GUCY1A2: variants seen among roughly 807,000 people sequenced by gnomAD.
The protein encoded by GUCY1A2 is guanylate cyclase soluble subunit alpha-2.
GUCY1A2 carries 27 observed loss-of-function variants against 63.5 expected under a neutral mutation model. That is an observed-to-expected ratio of 0.43 (90% CI 0.31 to 0.59). The LOEUF (loss-of-function observed/expected upper bound fraction) is 0.59. GUCY1A2 is among the 20% of genes least tolerant of loss of function. The pLI is 0.11. For missense variants in GUCY1A2, 768 were observed against 913.3 expected, an observed-to-expected ratio of 0.84 and a Z score of 2.05; for synonymous variants, 364 against 343.5, an observed-to-expected ratio of 1.06 and a Z score of -0.66.
At chr11:106,812,584 T>C (rs1858776919) in intron 4 of GUCY1A2, among the ~76,000 whole-genome samples, 1 of 152,008 alleles carries the variant, frequency 6.6e-6, no homozygotes. Flanking sequence ...CATCTCCATC[T>C]TAATTTTAAA....
intron 6 of GUCY1A2, among the ~76,000 whole-genome samples, chr11:106,764,389 T>G (rs1027712500): frequency 3.3e-5 from 5 of 152,104 alleles, no homozygotes; most frequent in African/African-American, 1.2e-4. Context: ...GCATGGACTT[T>G]GAAGTCAAAC....
At chr11:106,848,151 C>T (rs10502079) in intron 4 of GUCY1A2, among the ~76,000 whole-genome samples, 30,951 of 151,490 alleles carry the variant, frequency 0.2, 3,165 homozygotes, top group Non-Finnish European at 0.22. Flanking sequence ...GGTGAAAATG[C>T]TGGAACGAGT....
At chr11:106,937,656 A>C (rs1860697684) in intron 4 of GUCY1A2, among the ~76,000 whole-genome samples, 1 of 152,212 alleles carries the variant, frequency 6.6e-6, no homozygotes, top group Non-Finnish European at 1.5e-5. Flanking sequence ...TGTGAACAAA[A>C]ATACACATTT....
intron 4 of GUCY1A2, among the ~76,000 whole-genome samples, chr11:106,870,993 T>C (rs758417246): frequency 2.0e-5 from 3 of 152,184 alleles, no homozygotes. Flanking sequence ...TGGCTTATTA[T>C]GATAAGCTTC....
chr11:106,764,526 C>T (rs1306987018), intron 6 of GUCY1A2, among the ~76,000 whole-genome samples: 2 of 151,944 alleles, frequency 1.3e-5, no homozygotes, highest in East Asian at 3.9e-4. Flanking sequence ...ATCCATGGTC[C>T]ATGATTGTTG....
chr11:106,962,177 C>T (rs1861066108), intron 3 of GUCY1A2, among the ~76,000 whole-genome samples: 1 of 152,142 alleles, frequency 6.6e-6, no homozygotes, highest in Non-Finnish European at 1.5e-5. Flanking sequence ...CTCCTATTAA[C>T]AGGACTAGAT....
intron 4 of GUCY1A2, among the ~76,000 whole-genome samples, chr11:106,874,780 GA>G (rs1174931161): frequency 1.3e-5 from 2 of 151,650 alleles, no homozygotes; most frequent in African/African-American, 2.4e-5. Context: ...AAAAAAACTG[GA>G]AAAAAATATT....
At chr11:106,765,932 C>T (rs1290437612) in intron 6 of GUCY1A2, among the ~76,000 whole-genome samples, 1 of 152,074 alleles carries the variant, frequency 6.6e-6, no homozygotes, top group African/African-American at 2.4e-5. Context: ...ATGGAATCTA[C>T]ATGTAAATTT....
intron 2 of GUCY1A2, among the ~76,000 whole-genome samples, chr11:106,983,780 C>A (rs140213715): frequency 3.9e-5 from 6 of 152,274 alleles, no homozygotes; most frequent in African/African-American, 1.4e-4. Context: ...TCCTTCCCAC[C>A]CTCACCTGCC....
At chr11:106,750,040 T>G (rs1863856796) in intron 6 of GUCY1A2, among the ~76,000 whole-genome samples, 1 of 152,020 alleles carries the variant, frequency 6.6e-6, no homozygotes, top group African/African-American at 2.4e-5. Flanking sequence ...GAGAGAAGCC[T>G]ATAATTTCTC....
At chr11:106,696,679 C>G (rs1295464981) in intron 7 of GUCY1A2, among the ~76,000 whole-genome samples, 1 of 151,982 alleles carries the variant, frequency 6.6e-6, no homozygotes, top group Non-Finnish European at 1.5e-5. Flanking sequence ...GCAAATCAAC[C>G]TAGGAAAATA....
intron 4 of GUCY1A2, among the ~76,000 whole-genome samples, chr11:106,846,347 C>T (rs576797876): frequency 6.6e-6 from 1 of 151,700 alleles, no homozygotes; most frequent in Admixed American, 6.6e-5. Flanking sequence ...ATCAGTGAAT[C>T]TAGATTTGTT....
intron 1 of GUCY1A2, among the ~76,000 whole-genome samples, 160 bp downstream of exon 1, chr11:107,017,593 T>C (rs1427576501): frequency 6.7e-6 from 1 of 149,864 alleles, no homozygotes; most frequent in Non-Finnish European, 1.5e-5. Flanking sequence ...TAGGGGATCC[T>C]CTGTCGCCGG....
intron 7 of GUCY1A2, among the ~76,000 whole-genome samples, chr11:106,689,240 C>G (rs1862579787): frequency 6.6e-6 from 1 of 151,870 alleles, no homozygotes; most frequent in Admixed American, 6.6e-5. Context: ...GTTGGTAGTA[C>G]TAATAAGTTA....
At chr11:106,720,964 T>G (rs1421088917) in intron 6 of GUCY1A2, among the ~76,000 whole-genome samples, 1 of 152,194 alleles carries the variant, frequency 6.6e-6, no homozygotes, top group Admixed American at 6.5e-5. Context: ...TGGACTATCT[T>G]TGCAAATTAT....
intron 1 of GUCY1A2, among the ~76,000 whole-genome samples, chr11:107,007,197 A>G (rs1437382695): frequency 1.3e-5 from 2 of 152,214 alleles, no homozygotes; most frequent in East Asian, 3.8e-4. Flanking sequence ...TGAAAGCATG[A>G]TGTAAATACT....
At chr11:106,784,449 A>G (rs1329244203) in intron 5 of GUCY1A2, among the ~76,000 whole-genome samples, 2 of 151,996 alleles carry the variant, frequency 1.3e-5, no homozygotes, top group East Asian at 3.9e-4. Context: ...CCCTAGCTCT[A>G]GAGGAGGGAG....
At chr11:106,777,483 T>C (rs953017640) in intron 5 of GUCY1A2, among the ~76,000 whole-genome samples, 6 of 147,498 alleles carry the variant, frequency 4.1e-5, no homozygotes, top group African/African-American at 1.2e-4. Context: ...ATATACACCA[T>C]GGAATACTAT....
chr11:106,752,379 T>TTA (rs1439229502), intron 6 of GUCY1A2, among the ~76,000 whole-genome samples: 1 of 152,214 alleles, frequency 6.6e-6, no homozygotes, highest in African/African-American at 2.4e-5. Flanking sequence ...TATAGTTTTA[T>TTA]TATACTTTAA....
Sources: allele counts gnomAD v4.1 joint callset (sites outside exome capture counted in the v4.1 genomes callset), GRCh38; gene constraint gnomAD v4.1.1; transcripts MANE v1.5; gene names NCBI Gene and HGNC (gene_info 2026-07-23, HGNC 2026-07-21).